SYN3: variants seen among roughly 807,000 people sequenced by gnomAD.
The protein encoded by SYN3 is synapsin III, also known as synapsin-3.
A neutral mutation model predicts 65.8 loss-of-function variants in SYN3; 35 were observed. That is an observed-to-expected ratio of 0.53 (90% CI 0.41 to 0.70). The LOEUF is 0.70. Ranked by LOEUF, SYN3 falls within the 30% of genes least tolerant of loss-of-function variation. SYN3 has a pLI of 0.00. For synonymous variants in SYN3, 270 were observed against 292.9 expected (o/e 0.92, Z 0.80); for missense variants, 680 against 749.0 (o/e 0.91, Z 1.08).
chr22:32,547,063 C>T (rs920310029), intron 7 of SYN3, among the ~76,000 whole-genome samples: 3 of 152,184 alleles, frequency 2.0e-5, no homozygotes, highest in African/African-American at 7.2e-5. Context: ...ACTGCAACCT[C>T]TGCCTCCCAG....
chr22:32,971,373 C>T (rs2052014077), intron 3 of SYN3, among the ~76,000 whole-genome samples: 1 of 152,084 alleles, frequency 6.6e-6, no homozygotes, highest in Non-Finnish European at 1.5e-5. Flanking sequence ...AAAAATAATA[C>T]AAAACAGAAC....
In SYN3 at chr22:32,798,685, CTTTTTTTT is replaced by C. The variant is rs751710119; in HGVS notation, c.711+66222_711+66229del. The stretch of plus-strand genomic sequence containing the variant: ...AAGCAGGAGAGCCTGCATCTTCATT[CTTTTTTTT>C]TTTTTTTTTTTTTTTGGAGACGGAG... On this transcript the variant is annotated intron_variant, in intron 6 of 13. Coordinates refer to ENST00000358763, the MANE Select transcript of SYN3 (RefSeq NM_003490.4). Among the ~76,000 whole-genome samples, 5 of 92,500 alleles carry C rather than the reference CTTTTTTTT, an allele frequency of 5.4e-5. No individual in the cohort carries two copies. The South Asian group carries it at 1.2e-3, about 21-fold the overall frequency. The allele number at this position is 92,500 out of a possible 152,430, so 60.7% of individuals were successfully genotyped here. A position where few individuals can be genotyped will look rare whatever the true frequency, so the allele number is the denominator to read the frequency against.
chr22:32,970,536 G>T (rs554919120), intron 3 of SYN3, among the ~76,000 whole-genome samples: 1 of 147,094 alleles, frequency 6.8e-6, no homozygotes, highest in Admixed American at 6.8e-5. Flanking sequence ...GCAACAGAGC[G>T]AGACTCCATC....
chr22:32,710,645 A>AAAAAG (rs1555931894), intron 6 of SYN3, among the ~76,000 whole-genome samples: 8 of 126,940 alleles, frequency 6.3e-5, no homozygotes, highest in African/African-American at 1.0e-4. Context: ...AAAAAAAAAA[A>AAAAAG]AAAGAAAGAA....
intron 7 of SYN3, among the ~76,000 whole-genome samples, chr22:32,592,459 C>G (rs1487134707): frequency 1.3e-5 from 2 of 152,234 alleles, no homozygotes; most frequent in Non-Finnish European, 2.9e-5. Context: ...ATTTTGATTT[C>G]TGTTTCTCAT....
chr22:32,925,952 A>T (rs1052607463), intron 4 of SYN3, among the ~76,000 whole-genome samples: 1 of 146,888 alleles, frequency 6.8e-6, no homozygotes, highest in Admixed American at 7.1e-5. Context: ...CCCAGGTTCA[A>T]GTGATTCTCA....
chr22:32,586,123 T>A (rs1466309616), intron 7 of SYN3, among the ~76,000 whole-genome samples: 1 of 150,700 alleles, frequency 6.6e-6, no homozygotes, highest in Non-Finnish European at 1.5e-5. Flanking sequence ...TGTATATATG[T>A]ATATGTATGT....
At chr22:32,880,487 G>A (rs62234166) in intron 4 of SYN3, among the ~76,000 whole-genome samples, 8,092 of 152,242 alleles carry the variant, frequency 0.053, 260 homozygotes, top group Middle Eastern at 0.099. Flanking sequence ...AGGAAAGAGC[G>A]CTGGGCTTCT....
chr22:32,685,068 A>C (rs1569148914), intron 6 of SYN3, among the ~76,000 whole-genome samples: 1 of 152,098 alleles, frequency 6.6e-6, no homozygotes, highest in East Asian at 1.9e-4. Context: ...TTCCTTTCAC[A>C]CTACAGCAGC....
At chr22:32,721,823 G>A (rs186277281) in intron 6 of SYN3, among the ~76,000 whole-genome samples, 2 of 152,346 alleles carry the variant, frequency 1.3e-5, no homozygotes, top group Admixed American at 1.3e-4. Context: ...GTTGAGAAGA[G>A]TGAGTGGGAG....
At chr22:32,902,655 T>C (rs1170747537) in intron 4 of SYN3, among the ~76,000 whole-genome samples, 2 of 152,092 alleles carry the variant, frequency 1.3e-5, no homozygotes, top group Non-Finnish European at 2.9e-5. Flanking sequence ...ATAGAGGCTT[T>C]TATAAAACAA....
At chr22:33,043,265 G>A (rs551811653) in intron 1 of SYN3, among the ~76,000 whole-genome samples, 107 of 152,258 alleles carry the variant, frequency 7.0e-4, no homozygotes, top group African/African-American at 2.4e-3. Context: ...GCACAAGCAA[G>A]AGCTGGGCAC....
At chr22:33,009,748 CT>C (rs1419326320) in intron 1 of SYN3, among the ~76,000 whole-genome samples, 1 of 92,140 alleles carries the variant, frequency 1.1e-5, no homozygotes, top group African/African-American at 3.8e-5. Flanking sequence ...ATATACGTAT[CT>C]AAACACACAC....
chr22:32,740,276 C>G (rs73156447), intron 6 of SYN3, among the ~76,000 whole-genome samples: 7 of 152,076 alleles, frequency 4.6e-5, no homozygotes, highest in Non-Finnish European at 1.0e-4. Flanking sequence ...AAACTGGGCC[C>G]GAGAGGTGCA....
At chr22:32,735,455 A>G (rs2061326326) in intron 6 of SYN3, among the ~76,000 whole-genome samples, 1 of 152,192 alleles carries the variant, frequency 6.6e-6, no homozygotes, top group African/African-American at 2.4e-5. Flanking sequence ...GTGGGAAGCA[A>G]AATAATTTGT....
intron 1 of SYN3, among the ~76,000 whole-genome samples, chr22:33,042,115 G>A (rs767979110): frequency 7.2e-5 from 11 of 152,266 alleles, no homozygotes; most frequent in South Asian, 2.1e-4. Context: ...CACAGAGGTC[G>A]TTTCCTCTCT....
intron 4 of SYN3, among the ~76,000 whole-genome samples, chr22:32,921,977 G>A (rs1197489888): frequency 4.6e-5 from 7 of 152,138 alleles, no homozygotes; most frequent in Admixed American, 4.6e-4. Context: ...TATACTGGCT[G>A]TCTACATTAT....
chr22:32,822,409 CA>C (rs918385123), intron 6 of SYN3, among the ~76,000 whole-genome samples: 5 of 152,152 alleles, frequency 3.3e-5, no homozygotes, highest in Admixed American at 6.5e-5. Flanking sequence ...TTCCTATCCT[CA>C]TGGAGTCTGG....
chr22:32,755,500 T>C (rs1194665151), intron 6 of SYN3, among the ~76,000 whole-genome samples: 1 of 152,224 alleles, frequency 6.6e-6, no homozygotes, highest in South Asian at 2.1e-4. Context: ...GGTTCCAACA[T>C]CTGGAGGTGG....
Sources: allele counts gnomAD v4.1 joint callset (sites outside exome capture counted in the v4.1 genomes callset), GRCh38; gene constraint gnomAD v4.1.1; transcripts MANE v1.5; gene names NCBI Gene and HGNC (gene_info 2026-07-23, HGNC 2026-07-21).